The following MREG variants were observed in gnomAD, a reference collection of about 807,000 sequenced individuals.
MREG encodes melanoregulin.
A neutral mutation model predicts 28.5 loss-of-function variants in MREG; 31 were observed. The ratio of observed to expected loss-of-function variants is 1.09; its 90% CI spans 0.82 to 1.47. The LOEUF is 1.47. MREG is among the 40% of genes most tolerant of loss of function. MREG has a pLI of 0.00. For missense variants in MREG, 256 were observed against 257.4 expected (o/e 0.99, Z 0.04); for synonymous variants, 106 against 95.2 (o/e 1.11, Z -0.66).
upstream of MREG, among the ~76,000 whole-genome samples, chr2:216,015,123 G>GTGTGTGCGCGCGTGCA (rs71047959): frequency 6.8e-6 from 1 of 147,524 alleles, no homozygotes; most frequent in Non-Finnish European, 1.5e-5. Context: ...GTGCACGCGT[G>GTGTGTGCGCGCGTGCA]TGTGTGCGCG....
At position 216,008,376 on chromosome 2, in the gene MREG, C is replaced by CTGATAATCAAACA. The variant is rs369626128; in HGVS notation, c.95+4844_95+4856dup. On this transcript the variant is annotated intron_variant, in intron 1 of 4. Coordinates refer to ENST00000263268, the MANE Select transcript of MREG (RefSeq NM_018000.3). ...TCTAATTTCTATTAGCTGTTAATAA[C>CTGATAATCAAACA]TGATAATCAAACATCGTTACATCTG... Among the ~76,000 whole-genome samples the CTGATAATCAAACA allele has an allele frequency of 8.2e-3, 1,251 of 152,304 alleles. 23 individuals carry two copies. Among genetic ancestry groups the CTGATAATCAAACA allele is most frequent in the African/African-American group, 0.028 (1,175 of 41,568 alleles).
In MREG at chr2:215,978,210, G is replaced by A. The variant is rs550035536; in HGVS notation, c.255+18096C>T. ...AAATGATAAAGGGGATATCACCACC[G>A]ATCCCACAGAAATACAAACTACCAT... On this transcript the variant is annotated intron_variant, in intron 2 of 4. Coordinates refer to ENST00000263268, the MANE Select transcript of MREG (RefSeq NM_018000.3). 9.2e-5 allele frequency among the ~76,000 whole-genome samples: 14 copies of A among 152,126 alleles called. No individual in the cohort carries two copies. In the East Asian group the frequency reaches 9.7e-4, roughly 10 times the overall value.
chr2:215,954,217 C>T (rs1184089733), intron 2 of MREG, among the ~76,000 whole-genome samples: 5 of 152,164 alleles, frequency 3.3e-5, no homozygotes, highest in Non-Finnish European at 5.9e-5. Flanking sequence ...ATTGGCTTAA[C>T]CATTCAACTC....
chr2:215,988,483 C>A (rs966863668), intron 2 of MREG, among the ~76,000 whole-genome samples: 1 of 152,136 alleles, frequency 6.6e-6, no homozygotes, highest in African/African-American at 2.4e-5. Flanking sequence ...CACCAGACAC[C>A]GAGCTAGCTA....
chr2:216,006,083 AT>A (rs1260269498), intron 1 of MREG, among the ~76,000 whole-genome samples: 1 of 152,232 alleles, frequency 6.6e-6, no homozygotes, highest in Non-Finnish European at 1.5e-5. Context: ...CTTTTTAAAC[AT>A]AGGTGGTGTA....
intron 2 of MREG, among the ~76,000 whole-genome samples, chr2:215,972,641 T>C (rs1397357767): frequency 6.8e-6 from 1 of 146,280 alleles, no homozygotes; most frequent in Non-Finnish European, 1.5e-5. Context: ...AAAAAAAGGA[T>C]AGAGGAAGCA....
chr2:216,010,664 C>G (rs1379955154), intron 1 of MREG, among the ~76,000 whole-genome samples: 1 of 151,654 alleles, frequency 6.6e-6, no homozygotes, highest in African/African-American at 2.4e-5. Context: ...GCAGATTTCT[C>G]TTGTTTTAAA....
chr2:215,939,539 A>G (rs1029936033), downstream of MREG: 2 of 152,232 alleles, frequency 1.3e-5, no homozygotes, highest in African/African-American at 4.8e-5. Context: ...CAATATTCCA[A>G]TAATAAGATC....
chr2:215,960,192 C>T (rs932400422), intron 2 of MREG, among the ~76,000 whole-genome samples: 5 of 152,088 alleles, frequency 3.3e-5, no homozygotes, highest in Non-Finnish European at 7.4e-5. Flanking sequence ...CCTGACCTCA[C>T]GATCCGCCCG....
intron 2 of MREG, among the ~76,000 whole-genome samples, chr2:215,991,897 G>A (rs1224060027): frequency 1.3e-5 from 2 of 152,242 alleles, no homozygotes; most frequent in Admixed American, 1.3e-4. Context: ...AATTGAGGCA[G>A]TAATTAATAG....
intron 1 of MREG, among the ~76,000 whole-genome samples, chr2:216,012,894 C>G (rs972760877): frequency 6.6e-6 from 1 of 152,126 alleles, no homozygotes; most frequent in Non-Finnish European, 1.5e-5. Flanking sequence ...GATCAAATAC[C>G]CAGTCACAGT....
upstream of MREG, among the ~76,000 whole-genome samples, chr2:216,017,189 G>T (rs1272615688): frequency 6.6e-6 from 1 of 152,148 alleles, no homozygotes; most frequent in Non-Finnish European, 1.5e-5. Context: ...TATCTAAAAG[G>T]CGTGCAGCAT....
intron 2 of MREG, among the ~76,000 whole-genome samples, chr2:215,980,004 T>C (rs1196259423): frequency 6.7e-6 from 1 of 148,334 alleles, no homozygotes; most frequent in East Asian, 2.0e-4. Flanking sequence ...AAAAAACTAA[T>C]GGAAAGAGCC....
intron 2 of MREG, among the ~76,000 whole-genome samples, chr2:215,979,471 AATAAT>A (rs1693355836): frequency 2.0e-4 from 8 of 40,762 alleles, no homozygotes; most frequent in South Asian, 7.8e-4. Context: ...CTCAAAAAAT[AATAAT>A]AATAATAATA....
chr2:215,971,346 G>A (rs1340503372), intron 2 of MREG, among the ~76,000 whole-genome samples: 2 of 152,142 alleles, frequency 1.3e-5, no homozygotes, highest in African/African-American at 2.4e-5. Flanking sequence ...TGCTATCCAC[G>A]CTTGGAGGTA....
At chr2:215,970,639 C>G (rs1256403478) in intron 2 of MREG, among the ~76,000 whole-genome samples, 3 of 152,190 alleles carry the variant, frequency 2.0e-5, no homozygotes, top group Non-Finnish European at 4.4e-5. Context: ...TGAGTCTGAG[C>G]TTCACCCCTG....
At chr2:216,032,257 A>G (rs1694721707) in intron 1 of MREG, among the ~76,000 whole-genome samples, 2 of 152,250 alleles carry the variant, frequency 1.3e-5, no homozygotes, top group African/African-American at 2.4e-5. Flanking sequence ...AGTCCAGAGA[A>G]ATGAAAACAA....
chr2:215,946,881 A>T lies in MREG; in HGVS notation c.346+142T>A. 11 of 611,098 alleles carry T rather than the reference A, an allele frequency of 1.8e-5. No homozygotes were observed. In the South Asian group the frequency reaches 2.1e-4, roughly 12 times the overall value. The allele number at this position is 611,098 out of a possible 1,614,324, so 37.9% of individuals were successfully genotyped here. On this transcript the variant is annotated intron_variant, in intron 3 of 4. Transcript: ENST00000263268. ...CATTTATGCTTGAGGATATAAGAGC[A>T]AGATTGGGAGAATAATTAGTACACA...
intron 1 of MREG, among the ~76,000 whole-genome samples, chr2:216,007,403 TTTTATTTATTTA>T (rs113045457): frequency 0.1 from 14,704 of 142,782 alleles, 2,056 homozygotes; most frequent in African/African-American, 0.32. Flanking sequence ...CTTAGCAACA[TTTTATTTATTTA>T]TTTATTTATT....
Sources: allele counts gnomAD v4.1 joint callset (sites outside exome capture counted in the v4.1 genomes callset), GRCh38; gene constraint gnomAD v4.1.1; transcripts MANE v1.5; gene names NCBI Gene and HGNC (gene_info 2026-07-23, HGNC 2026-07-21).